The following ACOXL variants were observed in gnomAD, a reference collection of about 807,000 sequenced individuals.
The protein encoded by ACOXL is acyl-CoA oxidase like, also known as acyl-coenzyme A oxidase-like protein.
Under a neutral mutation model 71.9 loss-of-function variants are expected in ACOXL, and 70 were observed. The observed-to-expected ratio is 0.97, with a 90% CI of 0.80 to 1.19. The LOEUF is 1.19. Among genes scored for constraint, ACOXL ranks in the 50% most tolerant of loss-of-function variants. The pLI is 0.00. For missense variants in ACOXL, 703 were observed against 736.3 expected, an observed-to-expected ratio of 0.95 and a Z score of 0.52; for synonymous variants, 253 against 281.6, an observed-to-expected ratio of 0.90 and a Z score of 1.02.
At position 111,070,216 on chromosome 2, in the gene ACOXL, C is replaced by T. The variant is rs2067274966; in HGVS notation, c.1440+20928C>T. Among the ~76,000 whole-genome samples the T allele has an allele frequency of 2.0e-5, 3 of 152,128 alleles. No homozygotes were observed. The South Asian group carries it at 6.2e-4, about 31-fold the overall frequency. ...ACATGCACGTAAATGTTTATTGCAG[C>T]GCTATTCACAATAGCAAGGACATGG... On this transcript the variant is annotated intron_variant, in intron 16 of 17. Transcript: ENST00000439055.
chr2:111,044,961 A>C (rs78548841), intron 15 of ACOXL, among the ~76,000 whole-genome samples: 2,439 of 152,228 alleles, frequency 0.016, 73 homozygotes, highest in African/African-American at 0.056. Context: ...TTGTTATCTA[A>C]AAGTCTCTGG....
At chr2:110,891,590 A>G (rs566663338) in intron 10 of ACOXL, among the ~76,000 whole-genome samples, 3 of 152,130 alleles carry the variant, frequency 2.0e-5, no homozygotes, top group South Asian at 4.2e-4. Flanking sequence ...TGGCTCAAAT[A>G]CTACAGACTC....
chr2:111,070,767 A>G (rs1490066524), intron 16 of ACOXL, among the ~76,000 whole-genome samples: 1 of 152,002 alleles, frequency 6.6e-6, no homozygotes, highest in Non-Finnish European at 1.5e-5. Flanking sequence ...CGCCAGTTGA[A>G]GCGGCCAGGA....
At chr2:110,955,042 A>G (rs2061447118) in intron 12 of ACOXL, among the ~76,000 whole-genome samples, 1 of 152,058 alleles carries the variant, frequency 6.6e-6, no homozygotes, top group Non-Finnish European at 1.5e-5. Flanking sequence ...ATTTGTTGTC[A>G]TGACCTATGG....
intron 1 of ACOXL, among the ~76,000 whole-genome samples, chr2:110,750,850 A>G (rs1179490779): frequency 6.6e-6 from 1 of 151,578 alleles, no homozygotes; most frequent in African/African-American, 2.4e-5. Context: ...GTGCCCCACT[A>G]ATTTTTGTAT....
chr2:110,865,028 A>AGTTTT (rs113442331), intron 10 of ACOXL, among the ~76,000 whole-genome samples: 47,350 of 151,730 alleles, frequency 0.31, 7,567 homozygotes, highest in Non-Finnish European at 0.35. Context: ...AACTCTGCTG[A>AGTTTT]GTTTCTTATG....
intron 9 of ACOXL, among the ~76,000 whole-genome samples, chr2:110,838,804 T>C (rs1205313460): frequency 6.6e-6 from 1 of 152,202 alleles, no homozygotes; most frequent in Non-Finnish European, 1.5e-5. Context: ...CCTGTTCCCA[T>C]CCACCCTGGA....
intron 2 of ACOXL, among the ~76,000 whole-genome samples, chr2:110,768,996 C>T (rs1359145021): frequency 6.6e-6 from 1 of 151,892 alleles, no homozygotes; most frequent in Non-Finnish European, 1.5e-5. Flanking sequence ...CACACATTCA[C>T]TTCTCCAATC....
intron 17 of ACOXL, chr2:111,100,967 C>T (rs2069114401): frequency 1.3e-5 from 2 of 152,568 alleles, no homozygotes; most frequent in African/African-American, 4.8e-5. Context: ...TCAATCAAAC[C>T]GTTGAATCAT....
chr2:111,114,459 T>C (rs1431114207), intron 17 of ACOXL, among the ~76,000 whole-genome samples: 1 of 152,164 alleles, frequency 6.6e-6, no homozygotes, highest in Admixed American at 6.5e-5. Flanking sequence ...AGAAAAAGAC[T>C]CTACCAAGGT....
intron 10 of ACOXL, among the ~76,000 whole-genome samples, chr2:110,845,655 T>C (rs762511020): frequency 4.6e-5 from 7 of 152,242 alleles, no homozygotes; most frequent in South Asian, 2.1e-4. Context: ...TTGACTATTC[T>C]AGGGACTTTA....
chr2:110,966,073 A>G (rs1378918061), intron 12 of ACOXL, among the ~76,000 whole-genome samples: 1 of 152,124 alleles, frequency 6.6e-6, no homozygotes, highest in Non-Finnish European at 1.5e-5. Context: ...CCTCGCTGGG[A>G]GCTGATCTTC....
intron 10 of ACOXL, among the ~76,000 whole-genome samples, chr2:110,842,062 G>A (rs1473966754): frequency 6.6e-6 from 1 of 152,182 alleles, no homozygotes; most frequent in African/African-American, 2.4e-5. Context: ...CCACCCTGTG[G>A]TCATAGGCTT....
At chr2:111,073,648 C>T (rs1456241365) in intron 16 of ACOXL, among the ~76,000 whole-genome samples, 2 of 152,162 alleles carry the variant, frequency 1.3e-5, no homozygotes, top group Non-Finnish European at 2.9e-5. Context: ...ACCACACTAT[C>T]TTCATTAGTA....
chr2:110,801,538 C>T, intron 7 of ACOXL, 114 bp from the exon 8 acceptor site: 1 of 913,306 alleles, frequency 1.1e-6, no homozygotes, highest in Non-Finnish European at 1.7e-6. Context: ...GAAAAAGCAC[C>T]AACAATTCTG....
intron 17 of ACOXL, among the ~76,000 whole-genome samples, chr2:111,110,552 C>A (rs140056440): frequency 2.0e-5 from 3 of 152,214 alleles, no homozygotes; most frequent in Non-Finnish European, 4.4e-5. Flanking sequence ...GCTAGGAGTT[C>A]TTCCCAATTC....
At chr2:110,977,152 C>T (rs1381031444) in intron 12 of ACOXL, among the ~76,000 whole-genome samples, 4 of 152,028 alleles carry the variant, frequency 2.6e-5, no homozygotes, top group Non-Finnish European at 2.9e-5. Context: ...TTTGGGAGGC[C>T]GAGGTGGGCG....
intron 10 of ACOXL, among the ~76,000 whole-genome samples, chr2:110,844,946 C>A (rs1437922116): frequency 3.3e-5 from 5 of 152,106 alleles, no homozygotes; most frequent in Non-Finnish European, 7.4e-5. Context: ...TGGTTGAGTT[C>A]CCTCTTTAAA....
chr2:110,918,707 A>C (rs930820320), intron 11 of ACOXL, among the ~76,000 whole-genome samples: 8 of 152,218 alleles, frequency 5.3e-5, no homozygotes, highest in Non-Finnish European at 1.2e-4. Context: ...ATTTAGAAGA[A>C]AAAAACAAAC....
Sources: allele counts gnomAD v4.1 joint callset (sites outside exome capture counted in the v4.1 genomes callset), GRCh38; gene constraint gnomAD v4.1.1; transcripts MANE v1.5; gene names NCBI Gene and HGNC (gene_info 2026-07-23, HGNC 2026-07-21).